STK3: variants seen among roughly 807,000 people sequenced by gnomAD.
STK3 encodes serine/threonine-protein kinase 3.
In STK3, 41 loss-of-function variants were observed where a neutral mutation model predicts 58.0. The ratio of observed to expected loss-of-function variants is 0.71; its 90% CI spans 0.55 to 0.92. The LOEUF is 0.92. Among genes scored for constraint, STK3 ranks in the 40% least tolerant of loss-of-function variants. The pLI, the probability that STK3 is intolerant of heterozygous loss-of-function variation, is 0.00. For synonymous variants in STK3, 170 were observed against 191.0 expected, an observed-to-expected ratio of 0.89 and a Z score of 0.91; for missense variants, 479 against 602.7, an observed-to-expected ratio of 0.79 and a Z score of 2.15.
intron 6 of STK3, among the ~76,000 whole-genome samples, chr8:98,676,131 C>T (rs1823191024): frequency 6.6e-6 from 1 of 152,116 alleles, no homozygotes; most frequent in African/African-American, 2.4e-5. Flanking sequence ...TTTCTTGATT[C>T]CACTTACATG....
At chr8:98,925,776 G>A (rs1357499463) in intron 1 of STK3, among the ~76,000 whole-genome samples, 2 of 152,126 alleles carry the variant, frequency 1.3e-5, no homozygotes, top group African/African-American at 4.8e-5. Context: ...CTGGAAAACT[G>A]CAGTTTAGTT....
chr8:98,579,559 T>A (rs755907208), intron 8 of STK3, 105 bp downstream of exon 8: 47 of 1,338,300 alleles, frequency 3.5e-5, no homozygotes, highest in Non-Finnish European at 4.7e-5. Flanking sequence ...AAAAAACATA[T>A]CTTACTTGTA....
chr8:98,541,085 C>T (rs1038416296), intron 9 of STK3, among the ~76,000 whole-genome samples: 51 of 152,172 alleles, frequency 3.4e-4, no homozygotes, highest in South Asian at 2.7e-3. Flanking sequence ...TATATGCTCA[C>T]TTTTGTGGTG....
intron 6 of STK3, among the ~76,000 whole-genome samples, chr8:98,633,030 A>G (rs1819373401): frequency 6.6e-6 from 1 of 152,238 alleles, no homozygotes; most frequent in Non-Finnish European, 1.5e-5. Context: ...AATAAAAATT[A>G]CACATGCTGC....
chr8:98,662,155 G>T (rs1487453877), intron 6 of STK3, among the ~76,000 whole-genome samples: 1 of 152,096 alleles, frequency 6.6e-6, no homozygotes, highest in Non-Finnish European at 1.5e-5. Context: ...GACCCATGGA[G>T]AAGCTGTTCA....
intron 1 of STK3, among the ~76,000 whole-genome samples, chr8:98,920,741 C>A (rs1199663977): frequency 6.6e-6 from 1 of 152,242 alleles, no homozygotes; most frequent in East Asian, 1.9e-4. Context: ...ATCCTCCAGC[C>A]CCTGGAGAAG....
chr8:98,706,596 T>TG lies in STK3; in HGVS notation c.554dup (p.Phe186IlefsTer6). ...GAATCACCTCAGGAGCCATCCAAAA[T>TG]GGAGTTCCTATTACAGTATTGCGTT... On this transcript the variant is annotated frameshift_variant, in exon 6 of 11. Transcript: ENST00000419617. LOFTEE classifies it high-confidence loss of function. 1 of 1,612,368 alleles carries TG rather than the reference T, an allele frequency of 6.2e-7. No individual in the cohort carries two copies. The highest frequency in any genetic ancestry group is 8.5e-7 in the Non-Finnish European group (1 of 1,179,328).
At chr8:98,632,093 AAATTAATATACCAAAGCCTTTC>A (rs1819288953) in intron 6 of STK3, among the ~76,000 whole-genome samples, 1 of 152,260 alleles carries the variant, frequency 6.6e-6, no homozygotes, top group South Asian at 2.1e-4. Context: ...AATATGAAAT[AAATTAATATACCAAAGCCTTTC>A]TGAGGGATTT....
chr8:98,384,912 C>T (rs1352956740), intron 1 of STK3, among the ~76,000 whole-genome samples: 1 of 152,140 alleles, frequency 6.6e-6, no homozygotes, highest in Non-Finnish European at 1.5e-5. Context: ...GCTATATGCT[C>T]TTAACTGGTG....
intron 9 of STK3, among the ~76,000 whole-genome samples, chr8:98,533,818 CT>C (rs1246427550): frequency 6.6e-6 from 1 of 152,146 alleles, no homozygotes; most frequent in African/African-American, 2.4e-5. Flanking sequence ...GTGTTTCCAT[CT>C]TTACTTTTCA....
chr8:98,584,432 C>T (rs1349525780), intron 7 of STK3, among the ~76,000 whole-genome samples: 1 of 151,810 alleles, frequency 6.6e-6, no homozygotes, highest in Non-Finnish European at 1.5e-5. Context: ...ATGAACTCAT[C>T]ATTTTTTATG....
At chr8:98,876,125 A>G (rs989122560) in intron 3 of STK3, among the ~76,000 whole-genome samples, 4 of 152,094 alleles carry the variant, frequency 2.6e-5, no homozygotes, top group Non-Finnish European at 4.4e-5. Context: ...CAAATGTCCA[A>G]TCCCTTCTGG....
At chr8:98,465,236 T>C (rs11985685) in intron 10 of STK3, among the ~76,000 whole-genome samples, 4,538 of 152,230 alleles carry the variant, frequency 0.03, 225 homozygotes, top group African/African-American at 0.099. Context: ...TGATCCACCC[T>C]AGGTCTCTCA....
At chr8:98,613,273 T>C (rs543991212) in intron 6 of STK3, among the ~76,000 whole-genome samples, 1 of 152,032 alleles carries the variant, frequency 6.6e-6, no homozygotes, top group East Asian at 1.9e-4. Flanking sequence ...TAAGATCCAG[T>C]CTCAGAATAT....
chr8:98,938,956 T>G (rs1254443310), intron 1 of STK3, among the ~76,000 whole-genome samples: 1 of 152,164 alleles, frequency 6.6e-6, no homozygotes, highest in East Asian at 1.9e-4. Context: ...TAGATAATAC[T>G]AATTAACAAC....
chr8:98,502,755 G>C (rs775035338), intron 10 of STK3, among the ~76,000 whole-genome samples: 128 of 152,226 alleles, frequency 8.4e-4, no homozygotes, highest in South Asian at 2.7e-3. Flanking sequence ...GGATGAAGCT[G>C]ACTTGATCAT....
intron 10 of STK3, among the ~76,000 whole-genome samples, chr8:98,508,420 C>A (rs1824255943): frequency 1.3e-5 from 2 of 151,834 alleles, no homozygotes; most frequent in Non-Finnish European, 1.5e-5. Context: ...ACAGGCAAAT[C>A]CACAGAGACA....
At chr8:98,858,200 G>A (rs1366149337) in intron 3 of STK3, among the ~76,000 whole-genome samples, 1 of 149,834 alleles carries the variant, frequency 6.7e-6, no homozygotes, top group East Asian at 2.0e-4. Context: ...TGGCCAACAT[G>A]ACGAAACCCA....
intron 4 of STK3, among the ~76,000 whole-genome samples, chr8:98,712,365 C>A (rs1563919773): frequency 6.6e-6 from 1 of 152,194 alleles, no homozygotes; most frequent in African/African-American, 2.4e-5. Flanking sequence ...CAAGACCCAT[C>A]AGTGTGCTGT....
Sources: gnomAD v4.1 joint callset for allele counts (sites outside exome capture counted in the v4.1 genomes callset) on GRCh38, gnomAD v4.1.1 for gene constraint, MANE v1.5 for transcripts, NCBI Gene and HGNC (gene_info 2026-07-23, HGNC 2026-07-21) for gene names.